Variants in LHFPL6 observed in about 807,000 individuals in gnomAD.
The protein encoded by LHFPL6 is LHFPL tetraspan subfamily member 6 protein.
A neutral mutation model predicts 20.6 loss-of-function variants in LHFPL6; 9 were observed. That is an observed-to-expected ratio of 0.44 (90% CI 0.26 to 0.76). The LOEUF is 0.76. LHFPL6 is among the 30% of genes least tolerant of loss of function. The probability of loss-of-function intolerance (pLI) is 0.20; values close to 1 mark genes in which losing one functional copy is unlikely to be tolerated. For synonymous variants in LHFPL6, 105 were observed against 98.7 expected, an observed-to-expected ratio of 1.06 and a Z score of -0.38; for missense variants, 218 against 253.5, an observed-to-expected ratio of 0.86 and a Z score of 0.95.
chr13:39,446,226 A>G (rs1166299437), intron 2 of LHFPL6, among the ~76,000 whole-genome samples: 1 of 152,218 alleles, frequency 6.6e-6, no homozygotes, highest in South Asian at 2.1e-4. Flanking sequence ...CCTGAAGCCC[A>G]TCTATGTAAT....
Position 39,348,528 on chromosome 13 carries a change from G to T in LHFPL6, c.485-4474C>A, listed in dbSNP as rs370405140. On this transcript the variant is annotated intron_variant, in intron 3 of 3. Transcript: ENST00000379589. Reference sequence around the variant, plus strand: ...CTCATGACAAACTGCACCCTGCTGGGTGTTTACTCCTTCCCTACCTTGCTT... The same window carrying T: ...CTCATGACAAACTGCACCCTGCTGGTTGTTTACTCCTTCCCTACCTTGCTT... Among the ~76,000 whole-genome samples the T allele has an allele frequency of 2.8e-4, 43 of 152,226 alleles. No homozygotes were observed. In the South Asian group the frequency reaches 8.9e-3, roughly 32 times the overall value.
chr13:39,556,236 G>A (rs1871300579), intron 2 of LHFPL6, among the ~76,000 whole-genome samples: 1 of 152,186 alleles, frequency 6.6e-6, no homozygotes, highest in Non-Finnish European at 1.5e-5. Context: ...CTAAGGAGTG[G>A]GGTGCTGAAA....
chr13:39,568,049 C>A (rs543308108), intron 2 of LHFPL6, among the ~76,000 whole-genome samples: 1 of 152,308 alleles, frequency 6.6e-6, no homozygotes, highest in South Asian at 2.1e-4. Flanking sequence ...AACAAGTGGT[C>A]TTAGTTACTT....
At chr13:39,509,503 T>A (rs1255333761) in intron 2 of LHFPL6, among the ~76,000 whole-genome samples, 1 of 151,552 alleles carries the variant, frequency 6.6e-6, no homozygotes, top group Non-Finnish European at 1.5e-5. Flanking sequence ...TGCGCTGAAG[T>A]TTTTTTTTGT....
At chr13:39,446,407 C>T (rs1377571779) in intron 2 of LHFPL6, among the ~76,000 whole-genome samples, 2 of 152,146 alleles carry the variant, frequency 1.3e-5, no homozygotes, top group Admixed American at 6.5e-5. Flanking sequence ...CAAGCTCTCC[C>T]GATGTACAGC....
intron 2 of LHFPL6, among the ~76,000 whole-genome samples, chr13:39,527,844 C>T (rs1052211244): frequency 5.3e-5 from 8 of 152,252 alleles, no homozygotes; most frequent in African/African-American, 1.9e-4. Context: ...GGGATTTAAC[C>T]AAGTTGTCAG....
chr13:39,562,695 C>CACACACATAT (rs765672489), intron 2 of LHFPL6, among the ~76,000 whole-genome samples: 12 of 146,388 alleles, frequency 8.2e-5, no homozygotes, highest in African/African-American at 3.0e-4. Context: ...CACACACACA[C>CACACACATAT]ATATATATAT....
intron 2 of LHFPL6, among the ~76,000 whole-genome samples, chr13:39,593,778 A>G (rs1872683930): frequency 6.6e-6 from 1 of 151,916 alleles, no homozygotes; most frequent in Admixed American, 6.6e-5. Flanking sequence ...ATATAGATCA[A>G]TGGAACAGAA....
At chr13:39,536,415 C>T (rs1870619820) in intron 2 of LHFPL6, among the ~76,000 whole-genome samples, 1 of 152,118 alleles carries the variant, frequency 6.6e-6, no homozygotes, top group Non-Finnish European at 1.5e-5. Context: ...GCACTCCTAC[C>T]AAAGCCGTGC....
intron 2 of LHFPL6, among the ~76,000 whole-genome samples, chr13:39,466,783 C>T (rs1872815555): frequency 6.6e-6 from 1 of 152,174 alleles, no homozygotes; most frequent in East Asian, 1.9e-4. Flanking sequence ...CCTTTCTAAC[C>T]AGATTTCCTA....
intron 2 of LHFPL6, among the ~76,000 whole-genome samples, chr13:39,427,412 T>G (rs1034378421): frequency 2.0e-5 from 3 of 152,248 alleles, no homozygotes; most frequent in African/African-American, 7.2e-5. Flanking sequence ...CTATAGGTTT[T>G]TCATATGTGT....
chr13:39,428,970 C>A (rs1419607345), intron 2 of LHFPL6, among the ~76,000 whole-genome samples: 2 of 152,092 alleles, frequency 1.3e-5, no homozygotes, highest in Non-Finnish European at 2.9e-5. Context: ...TAATGCAGTA[C>A]TTTTCAGATA....
At chr13:39,587,065 G>A (rs1454818077) in intron 2 of LHFPL6, among the ~76,000 whole-genome samples, 1 of 152,068 alleles carries the variant, frequency 6.6e-6, no homozygotes, top group Non-Finnish European at 1.5e-5. Context: ...GCTGCAGCAG[G>A]AGAATTGCTT....
At chr13:39,556,690 A>G (rs1483449216) in intron 2 of LHFPL6, among the ~76,000 whole-genome samples, 1 of 152,206 alleles carries the variant, frequency 6.6e-6, no homozygotes, top group Non-Finnish European at 1.5e-5. Flanking sequence ...GTGACTGGAC[A>G]TGGTGGCTCA....
chr13:39,514,137 T>A (rs1381204089), intron 2 of LHFPL6, among the ~76,000 whole-genome samples: 1 of 152,126 alleles, frequency 6.6e-6, no homozygotes, highest in Non-Finnish European at 1.5e-5. Flanking sequence ...CTGGCCAAAC[T>A]AAAGTAACTG....
intron 2 of LHFPL6, among the ~76,000 whole-genome samples, chr13:39,510,460 A>C (rs1039977115): frequency 1.3e-5 from 2 of 152,190 alleles, no homozygotes; most frequent in African/African-American, 4.8e-5. Flanking sequence ...TAGAAACTGA[A>C]AGTCCAGAAC....
At chr13:39,482,587 TAATC>T (rs992517743) in intron 2 of LHFPL6, among the ~76,000 whole-genome samples, 125 of 152,206 alleles carry the variant, frequency 8.2e-4, no homozygotes, top group African/African-American at 2.8e-3. Flanking sequence ...GAAGGAGAAA[TAATC>T]AATCGTGTCA....
At chr13:39,587,638 T>C (rs1445557747) in intron 2 of LHFPL6, among the ~76,000 whole-genome samples, 1 of 152,048 alleles carries the variant, frequency 6.6e-6, no homozygotes, top group Non-Finnish European at 1.5e-5. Context: ...GCCGAAACCA[T>C]CCTAGATATT....
intron 3 of LHFPL6, among the ~76,000 whole-genome samples, chr13:39,375,114 A>C (rs1870253029): frequency 6.6e-6 from 1 of 152,178 alleles, no homozygotes; most frequent in African/African-American, 2.4e-5. Context: ...CCTTGGGAGG[A>C]AGATGTGTCT....
Sources: gnomAD v4.1 joint callset for allele counts (sites outside exome capture counted in the v4.1 genomes callset) on GRCh38, gnomAD v4.1.1 for gene constraint, MANE v1.5 for transcripts, NCBI Gene and HGNC (gene_info 2026-07-23, HGNC 2026-07-21) for gene names.